APBA3: variants seen among roughly 807,000 people sequenced by gnomAD.
APBA3 encodes the protein amyloid-beta A4 precursor protein-binding family A member 3.
APBA3 carries 45 observed loss-of-function variants against 55.9 expected under a neutral mutation model. The observed-to-expected ratio is 0.80, with a 90% CI of 0.63 to 1.03. APBA3 has a LOEUF of 1.03. APBA3 is among the 50% of genes least tolerant of loss of function. The pLI is 0.00. For synonymous variants in APBA3, 370 were observed against 353.3 expected (o/e 1.05, Z -0.53); for missense variants, 865 against 820.3 (o/e 1.05, Z -0.67).
intron 1 of APBA3, among the ~76,000 whole-genome samples, 176 bp from the exon 2 acceptor site, chr19:3,760,477 A>G (rs922550832): frequency 6.6e-6 from 1 of 152,122 alleles, no homozygotes; most frequent in Non-Finnish European, 1.5e-5. Context: ...GGCCGGGCAC[A>G]GTGGCTCACG....
rs199580985 is a variant in APBA3 at position 3,751,037 on chromosome 19, C to G, written c.1717G>C (p.Val573Leu). 1 of 1,560,796 alleles carries G rather than the reference C, an allele frequency of 6.4e-7. No homozygotes were observed. Among genetic ancestry groups the G allele is most frequent in the South Asian group, 1.2e-5 (1 of 84,692 alleles). ...AAGGGATGAGGTGGTCACAGGTACA[C>G]GGGCTGCTCCTGGCCTGTAAGGAGG... is the stretch of plus-strand genomic sequence containing the variant. Reference protein sequence around the residue: ...YRLLTGQEQPVYL With the variant: ...YRLLTGQEQPLYL The change falls in exon 11 of 11, where the codon GTG becomes CTG. Residue 573 changes from valine to leucine, a missense_variant. Val to Leu is a conservative substitution (Grantham distance 32). Transcript: ENST00000316757.
rs760814326 is a variant in APBA3, at chr19:3,751,569, C to T, written c.1396-16G>A. 3.7e-5 allele frequency: 59 copies of T among 1,575,794 alleles called. No individual in the cohort carries two copies. The South Asian group carries it at 5.4e-4, about 14-fold the overall frequency. On this transcript the variant is annotated splice_polypyrimidine_tract_variant and intron_variant, in intron 8 of 10. Transcript: ENST00000316757. ...ACTTCGTCTCCTGTGGGGCGGGGGC[C>T]GTTGGCCTCACTCAGCTGCCGGACA...
Position 3,754,174 on chromosome 19 carries a change from CG to C in APBA3, c.762+20del. The C allele has an allele frequency of 6.5e-7, 1 of 1,542,198 alleles. No homozygotes were observed. The highest frequency in any genetic ancestry group is 2.0e-5 in the Admixed American group (1 of 49,844). On this transcript the variant is annotated intron_variant, in intron 4 of 10. Coordinates refer to ENST00000316757, the MANE Select transcript of APBA3 (RefSeq NM_004886.4). Reference sequence around the variant, plus strand: ...CCTGCAGCCCACCCGCCTGCCCGCCCGGCCCCGGCCGCCCCCTCACCTTGAC... The same window carrying C: ...CCTGCAGCCCACCCGCCTGCCCGCCCGCCCCGGCCGCCCCCTCACCTTGAC...
At chr19:3,756,664 G>GGT (rs1481172023) in intron 3 of APBA3, 2 of 151,912 alleles carry the variant, frequency 1.3e-5, no homozygotes, top group Non-Finnish European at 2.9e-5. Flanking sequence ...CGGAGGTTGC[G>GGT]GTGAGCTGAG....
chr19:3,751,135 TGGGCTCGTG>T, intron 10 of APBA3, 38 bp from the exon 11 acceptor site: 1 of 1,558,812 alleles, frequency 6.4e-7, no homozygotes, highest in Non-Finnish European at 8.7e-7. Flanking sequence ...AGGGCAGGCC[TGGGCTCGTG>T]GGGGACGTGG....
At chr19:3,753,627 CAGA>C in intron 6 of APBA3, 135 bp downstream of exon 6, 2 of 891,448 alleles carry the variant, frequency 2.2e-6, no homozygotes, top group Non-Finnish European at 1.6e-6. Flanking sequence ...GCCTGGGTGA[CAGA>C]AGGAGACCTT....
In APBA3 at chr19:3,754,055, G is replaced by A. The variant is rs770370823; in HGVS notation, c.813C>T (p.Ser271=). The change falls in exon 5 of 11, where the codon TCC becomes TCT. Residue 271 remains serine (S), a synonymous_variant. Coordinates refer to ENST00000316757, the MANE Select transcript of APBA3 (RefSeq NM_004886.4). Reference sequence around the variant, plus strand: ...CTGTCAAGACCTTGATCCTCTTGGTGGAGACGAACAGGTCCACCTCCGTCA... The same window carrying A: ...CTGTCAAGACCTTGATCCTCTTGGTAGAGACGAACAGGTCCACCTCCGTCA... ...QPMTEVDLFV[S]TKRIKVLTAD... 4.3e-6 allele frequency: 7 copies of A among 1,611,128 alleles called. No individual in the cohort carries two copies. The Admixed American group carries it at 6.7e-5, about 15-fold the overall frequency.
intron 8 of APBA3, chr19:3,751,998 C>T (rs148242608): frequency 0.024 from 4,658 of 198,028 alleles, 69 homozygotes; most frequent in Middle Eastern, 0.064. Flanking sequence ...TCACTTGAGG[C>T]CAGGAGCTCA....
In APBA3 at chr19:3,760,081, G is replaced by A. The variant is rs2037126351; in HGVS notation, c.184C>T (p.Gln62Ter). 6.2e-7 allele frequency: 1 copy of A among 1,613,354 alleles called. No homozygotes were observed. The highest frequency in any genetic ancestry group is 8.5e-7 in the Non-Finnish European group (1 of 1,180,028). Residue 62 changes from glutamine (Q) to a stop codon, truncating the protein, a stop_gained, in exon 2 of 11, where the codon CAG becomes TAG. Coordinates refer to ENST00000316757, the MANE Select transcript of APBA3 (RefSeq NM_004886.4). LOFTEE classifies it high-confidence loss of function. ...LDESSLQELV[Q>*]QFEALPGDLV... is the part of the protein sequence containing the mutation. The stretch of plus-strand genomic sequence containing the variant: ...TCGCCTGGCAGAGCTTCAAACTGCT[G>A]CACCAGCTCCTGAAGGCTTGACTCA...
At chr19:3,759,628 C>T (rs2037119351) in intron 2 of APBA3, 28 bp from the exon 3 acceptor site, 4 of 1,603,304 alleles carry the variant, frequency 2.5e-6, no homozygotes, top group African/African-American at 2.7e-5. Flanking sequence ...AGGGGCAGGA[C>T]TGAGTCTCCC....
chr19:3,759,835 C>A lies in APBA3; in HGVS notation c.430G>T (p.Asp144Tyr), dbSNP rs1242472639. The A allele has an allele frequency of 6.2e-7, 1 of 1,612,590 alleles. No homozygotes were observed. The highest frequency in any genetic ancestry group is 1.3e-5 in the African/African-American group (1 of 74,896). ...GGGGAGTCAGAATCCTCATCTGGGT[C>A]CTCAGGGGGCTGCAACAGTCGGGGG... ...PAPRLLQPPE[D>Y]PDEDSDSPEW... Residue 144 changes from aspartate (D) to tyrosine (Y), a missense_variant, in exon 2 of 11, where the codon GAC becomes TAC. Coordinates refer to ENST00000316757, the MANE Select transcript of APBA3 (RefSeq NM_004886.4).
In APBA3 at chr19:3,755,895, G is replaced by A. The variant is rs2037075457; in HGVS notation, c.617-1555C>T. 2 of 151,738 alleles carry A rather than the reference G, an allele frequency of 1.3e-5. 1 individual carries two copies. The highest frequency in any genetic ancestry group is 1.3e-4 in the Admixed American group (2 of 15,214). The allele number at this position is 151,738 out of a possible 1,614,324, so 9.4% of individuals were successfully genotyped here. On this transcript the variant is annotated intron_variant, in intron 3 of 10. Coordinates refer to ENST00000316757, the MANE Select transcript of APBA3 (RefSeq NM_004886.4). ...CCAGACAGCTCTGCCAGTGGCCCTA[G>A]AACATTCTAACCAGTAACTACGGCT...
chr19:3,759,979 T>A lies in APBA3; in HGVS notation c.286A>T (p.Ile96Phe), dbSNP rs2037124743. The change falls in exon 2 of 11, where the codon ATT (isoleucine) becomes TTT (phenylalanine). Residue 96 changes from isoleucine to phenylalanine, a missense_variant. Ile to Phe is a conservative substitution (Grantham distance 21, BLOSUM62 0). Coordinates refer to ENST00000316757, the MANE Select transcript of APBA3 (RefSeq NM_004886.4). ...ATGHGLASQE[I>F]ADAHGLLSAE... ...GACAGGAGCCCGTGGGCATCAGCAA[T>A]CTCCTGGGAGGCCAGGCCATGGCCT... The A allele has an allele frequency of 6.2e-7, 1 of 1,609,794 alleles. No individual in the cohort carries two copies. Among genetic ancestry groups the A allele is most frequent in the Non-Finnish European group, 8.5e-7 (1 of 1,178,960 alleles).
intron 3 of APBA3, among the ~76,000 whole-genome samples, chr19:3,757,561 G>A (rs75218126): frequency 1.2e-3 from 181 of 152,236 alleles, no homozygotes; most frequent in Middle Eastern, 6.8e-3. Flanking sequence ...GTGAAACGCC[G>A]TCTCTACTAA....
In APBA3 at chr19:3,750,870, C is replaced by G; in HGVS notation, c.*156G>C. On this transcript the variant is annotated 3_prime_UTR_variant, in exon 11 of 11. Transcript: ENST00000316757. ...GTCCTCGGTCCCGTAGACCCTGATCCGAGACTTTGCCAAATGCATAAGCTT... is the reference window on the plus strand; with the variant it reads ...GTCCTCGGTCCCGTAGACCCTGATCGGAGACTTTGCCAAATGCATAAGCTT... 6 of 1,068,018 alleles carry G rather than the reference C, an allele frequency of 5.6e-6. No homozygotes were observed. The highest frequency in any genetic ancestry group is 4.2e-5 in the Admixed American group (2 of 47,450). 66.2% of individuals were successfully genotyped at this position (1,068,018 alleles called of 1,614,324 possible). A position where few individuals can be genotyped will look rare whatever the true frequency, so the allele number is the denominator to read the frequency against.
At chr19:3,756,834 A>G (rs1335239648) in intron 3 of APBA3, among the ~76,000 whole-genome samples, 2 of 152,232 alleles carry the variant, frequency 1.3e-5, no homozygotes, top group African/African-American at 4.8e-5. Context: ...AGTTCCATCT[A>G]GAACTTTCTG....
chr19:3,753,090 T>G, intron 6 of APBA3, 100 bp from the exon 7 acceptor site: 1 of 1,380,714 alleles, frequency 7.2e-7, no homozygotes. Context: ...TGTCCCCACC[T>G]GGGGTGAGAG....
chr19:3,760,220 G>A lies in APBA3; in HGVS notation c.45C>T (p.Ala15=), dbSNP rs1368353663. 1 of 1,610,540 alleles carries A rather than the reference G, an allele frequency of 6.2e-7. No individual in the cohort carries two copies. Among genetic ancestry groups the A allele is most frequent in the South Asian group, 1.1e-5 (1 of 91,022 alleles). The change falls in exon 2 of 11, where the codon GCC becomes GCT. Residue 15 remains alanine, a synonymous_variant. Transcript: ENST00000316757. ...TISRSPSGPP[A]MDLEGPRDIL... The stretch of plus-strand genomic sequence containing the variant: ...TGTCCCTGGGCCCCTCCAAGTCCAT[G>A]GCTGGAGGCCCCGAAGGGGATCGGG...
chr19:3,758,809 CG>C (rs2037109767), intron 3 of APBA3, among the ~76,000 whole-genome samples: 3 of 151,298 alleles, frequency 2.0e-5, no homozygotes, highest in Non-Finnish European at 4.4e-5. Flanking sequence ...ACCCGGGAGG[CG>C]GAAGTTGCAG....
Sources: gnomAD v4.1 joint callset for allele counts (sites outside exome capture counted in the v4.1 genomes callset) on GRCh38, gnomAD v4.1.1 for gene constraint, MANE v1.5 for transcripts, NCBI Gene and HGNC (gene_info 2026-07-23, HGNC 2026-07-21) for gene names.